PGR: variants seen among roughly 807,000 people sequenced by gnomAD.
PGR encodes the protein nuclear receptor subfamily 3 group C member 3.
A neutral mutation model predicts 76.1 loss-of-function variants in PGR; 25 were observed. That is an observed-to-expected ratio of 0.33 (90% CI 0.24 to 0.46). The LOEUF is 0.46. Ranked by LOEUF, PGR falls within the 20% of genes least tolerant of loss-of-function variation. The pLI is 1.00. For synonymous variants in PGR, 579 were observed against 535.0 expected (o/e 1.08, Z -1.14); for missense variants, 1,172 against 1,225.3 (o/e 0.96, Z 0.65).
At chr11:101,044,792 C>T (rs505229) in intron 6 of PGR, among the ~76,000 whole-genome samples, 41,159 of 149,840 alleles carry the variant, frequency 0.27, 5,910 homozygotes, top group African/African-American at 0.36. Flanking sequence ...CTGCAACCTC[C>T]GCCTCCCATG....
rs1331800224 is a variant in PGR at position 101,058,695 on chromosome 11, G to A, written c.2212+3752C>T. Among the ~76,000 whole-genome samples, 4 of 152,230 alleles carry A rather than the reference G, an allele frequency of 2.6e-5. No homozygotes were observed. In the East Asian group the frequency reaches 5.8e-4, roughly 22 times the overall value. The stretch of plus-strand genomic sequence containing the variant: ...TCTGTCACATCAATTTCACTGCAAC[G>A]TATTGATGTACAGGATGAGGACAAT... On this transcript the variant is annotated intron_variant, in intron 4 of 7. Coordinates refer to ENST00000325455, the MANE Select transcript of PGR (RefSeq NM_000926.4).
At chr11:101,042,150 A>C in intron 6 of PGR, 48 bp from the exon 7 acceptor site, 2 of 1,578,124 alleles carry the variant, frequency 1.3e-6, no homozygotes, top group Non-Finnish European at 1.7e-6. Context: ...AAAAGATGAC[A>C]TTAACAATTT....
At chr11:101,060,681 CT>C (rs1284799301) in intron 4 of PGR, among the ~76,000 whole-genome samples, 2 of 152,164 alleles carry the variant, frequency 1.3e-5, no homozygotes, top group African/African-American at 4.8e-5. Context: ...GAAAATATGG[CT>C]TTAAAAGTCC....
intron 2 of PGR, among the ~76,000 whole-genome samples, chr11:101,121,666 T>G (rs1862680862): frequency 6.6e-6 from 1 of 152,160 alleles, no homozygotes; most frequent in Non-Finnish European, 1.5e-5. Context: ...TTACCACATG[T>G]GCAATTAGTC....
chr11:101,050,629 GC>G (rs1255891647), intron 5 of PGR, among the ~76,000 whole-genome samples: 1 of 152,042 alleles, frequency 6.6e-6, no homozygotes, highest in Non-Finnish European at 1.5e-5. Flanking sequence ...TTTAATTAAG[GC>G]ATTTTCCCAA....
chr11:101,029,720 T>C lies in PGR; in HGVS notation c.*9396A>G, dbSNP rs1214387287. ...GAAAACATTATGTGAAGATGATTCA[T>C]TTCAAACCACCAGCCAATTTAACAT... On this transcript the variant is annotated 3_prime_UTR_variant, in exon 8 of 8. Coordinates refer to ENST00000325455, the MANE Select transcript of PGR (RefSeq NM_000926.4). 2 of 213,344 alleles carry C rather than the reference T, an allele frequency of 9.4e-6. No homozygotes were observed. Among genetic ancestry groups the C allele is most frequent in the Non-Finnish European group, 1.9e-5 (2 of 105,672 alleles). 13.2% of individuals were successfully genotyped at this position (213,344 alleles called of 1,614,324 possible). A position where few individuals can be genotyped will look rare whatever the true frequency, so the allele number is the denominator to read the frequency against.
In PGR at chr11:101,127,927, G is replaced by A. The variant is rs1862928240; in HGVS notation, c.1144C>T (p.Pro382Ser). 1 of 1,611,318 alleles carries A rather than the reference G, an allele frequency of 6.2e-7. No individual in the cohort carries two copies. The highest frequency in any genetic ancestry group is 1.3e-5 in the African/African-American group (1 of 74,858). ...DAYPLYSDFQPPALKIKEEEE... is the reference protein window; with the variant it reads ...DAYPLYSDFQSPALKIKEEEE... Reference sequence around the variant, plus strand: ...TCCTCCTTTATCTTTAGAGCGGGCGGCTGGAAGTCGCTATAGAGAGGGTAC... The same window carrying A: ...TCCTCCTTTATCTTTAGAGCGGGCGACTGGAAGTCGCTATAGAGAGGGTAC... The change falls in exon 1 of 8, where the codon CCG (proline) becomes TCG (serine). Residue 382 changes from proline to serine, a missense_variant. Coordinates refer to ENST00000325455, the MANE Select transcript of PGR (RefSeq NM_000926.4).
At chr11:101,046,292 A>ATTTTTTTTTTTTTTTT (rs540943297) in intron 6 of PGR, among the ~76,000 whole-genome samples, 5 of 66,294 alleles carry the variant, frequency 7.5e-5, no homozygotes, top group Non-Finnish European at 1.3e-4. Flanking sequence ...CGCCTGGCTA[A>ATTTTTTTTTTTTTTTT]TTTTTTTTTT....
In PGR at chr11:101,049,990, G is replaced by A; in HGVS notation, c.2427C>T (p.Val809=). ...LTMWQIPQEF[V]KLQVSQEEFL... ...ACTCTTCTTGGCTAACTTGAAGCTT[G>A]ACAAACTCCTGTGGGATCTGCCACA... The change falls in exon 6 of 8, where the codon GTC becomes GTT. Residue 809 remains valine (V), a synonymous_variant. Transcript: ENST00000325455. 6.2e-7 allele frequency: 1 copy of A among 1,612,400 alleles called. No individual in the cohort carries two copies. Among genetic ancestry groups the A allele is most frequent in the Non-Finnish European group, 8.5e-7 (1 of 1,178,914 alleles).
At chr11:101,078,978 T>C (rs1273015935) in intron 3 of PGR, among the ~76,000 whole-genome samples, 5 of 152,196 alleles carry the variant, frequency 3.3e-5, no homozygotes, top group African/African-American at 1.2e-4. Context: ...AATAAAGCCA[T>C]GCATTAACAG....
chr11:101,049,924 C>G lies in PGR; in HGVS notation c.2488+5G>C. On this transcript the variant is annotated splice_donor_5th_base_variant and intron_variant, in intron 6 of 7. Transcript: ENST00000325455. Reference sequence around the variant, plus strand: ...TCTTGCATTAAGTTACTTGAACTCACTCACTTGTATTAAGAAGTAACAATA... The same window carrying G: ...TCTTGCATTAAGTTACTTGAACTCAGTCACTTGTATTAAGAAGTAACAATA... The G allele has an allele frequency of 1.2e-6, 2 of 1,610,136 alleles. No homozygotes were observed. Among genetic ancestry groups the G allele is most frequent in the Non-Finnish European group, 1.7e-6 (2 of 1,177,066 alleles).
chr11:101,042,729 G>A (rs1289252739), intron 6 of PGR, among the ~76,000 whole-genome samples: 3 of 152,114 alleles, frequency 2.0e-5, no homozygotes, highest in Non-Finnish European at 4.4e-5. Context: ...TTTGGTTCCA[G>A]ACCACGGCAA....
At chr11:101,092,338 T>G (rs1861701141) in intron 2 of PGR, among the ~76,000 whole-genome samples, 1 of 152,174 alleles carries the variant, frequency 6.6e-6, no homozygotes, top group Admixed American at 6.5e-5. Flanking sequence ...AAAAAAAATC[T>G]AAATGCTTAG....
chr11:101,106,443 G>A (rs777428267), intron 2 of PGR, among the ~76,000 whole-genome samples: 3 of 152,180 alleles, frequency 2.0e-5, no homozygotes, highest in Admixed American at 6.5e-5. Context: ...AGACATTTAT[G>A]CAGCCGACAG....
At position 101,039,084 on chromosome 11, in the gene PGR, A is replaced by G. The variant is rs1859608204; in HGVS notation, c.*32T>C. 1 of 1,586,320 alleles carries G rather than the reference A, an allele frequency of 6.3e-7. No individual in the cohort carries two copies. Among genetic ancestry groups the G allele is most frequent in the Non-Finnish European group, 8.7e-7 (1 of 1,156,042 alleles). ...GACCAAAACAAAAAGACATACCACA[A>G]AATTTAATTCTTTAAAAGAAAAAGA... is the stretch of plus-strand genomic sequence containing the variant. On this transcript the variant is annotated 3_prime_UTR_variant, in exon 8 of 8. Coordinates refer to ENST00000325455, the MANE Select transcript of PGR (RefSeq NM_000926.4).
chr11:101,055,556 T>C (rs1860261390), intron 4 of PGR, among the ~76,000 whole-genome samples: 1 of 152,090 alleles, frequency 6.6e-6, no homozygotes. Context: ...TGGTGAACTT[T>C]ATAACTTTCT....
Position 101,093,860 on chromosome 11 carries a change from G to A in PGR, c.1790-1984C>T, listed in dbSNP as rs147429242. On this transcript the variant is annotated intron_variant, in intron 2 of 7. Transcript: ENST00000325455. ...CTGTCTGCTCCTTGGTCATAAATAC[G>A]CAGGAAAAAGGTCTGATCTAAACAC... 5.6e-3 allele frequency among the ~76,000 whole-genome samples: 853 copies of A among 152,224 alleles called. 4 individuals are homozygous for A. Among genetic ancestry groups the A allele is most frequent in the Non-Finnish European group, 9.4e-3 (637 of 68,014 alleles).
intron 2 of PGR, among the ~76,000 whole-genome samples, chr11:101,119,767 C>G (rs1862618501): frequency 6.6e-6 from 1 of 152,122 alleles, no homozygotes; most frequent in Admixed American, 6.5e-5. Flanking sequence ...AAACCAGTCT[C>G]CTATAAGAGA....
Position 101,035,534 on chromosome 11 carries a change from C to A in PGR, c.*3582G>T, listed in dbSNP as rs1591361529. 4.3e-6 allele frequency: 1 copy of A among 232,172 alleles called. No individual in the cohort carries two copies. Among genetic ancestry groups the A allele is most frequent in the East Asian group, 6.1e-5 (1 of 16,366 alleles). 14.4% of individuals were successfully genotyped at this position (232,172 alleles called of 1,614,324 possible). A position where few individuals can be genotyped will look rare whatever the true frequency, so the allele number is the denominator to read the frequency against. On this transcript the variant is annotated 3_prime_UTR_variant, in exon 8 of 8. Transcript: ENST00000325455. ...ATGACTTCATTGTAATTTCTAAACC[C>A]ATTGTTCCCTTTTGTGGAATTGCTG...
Sources: allele counts gnomAD v4.1 joint callset (sites outside exome capture counted in the v4.1 genomes callset), GRCh38; gene constraint gnomAD v4.1.1; transcripts MANE v1.5; gene names NCBI Gene and HGNC (gene_info 2026-07-23, HGNC 2026-07-21).